The following GLS variants were observed in gnomAD, a reference collection of about 807,000 sequenced individuals.
GLS encodes the protein glutaminase kidney isoform, mitochondrial.
Under a neutral mutation model 86.7 loss-of-function variants are expected in GLS, and 36 were observed. That is an observed-to-expected ratio of 0.42 (90% CI 0.32 to 0.55). The LOEUF is 0.55. Ranked by LOEUF, GLS falls within the 20% of genes least tolerant of loss-of-function variation. The pLI, the probability that GLS is intolerant of heterozygous loss-of-function variation, is 0.17. For synonymous variants in GLS, 317 were observed against 305.9 expected, an observed-to-expected ratio of 1.04 and a Z score of -0.38; for missense variants, 528 against 833.4, an observed-to-expected ratio of 0.63 and a Z score of 4.51.
At chr2:190,936,843 TG>T (rs761662130) in intron 14 of GLS, among the ~76,000 whole-genome samples, 8 of 151,358 alleles carry the variant, frequency 5.3e-5, no homozygotes, top group Admixed American at 2.6e-4. Context: ...TTTAAGAATC[TG>T]TTTTACTATT....
intron 7 of GLS, among the ~76,000 whole-genome samples, chr2:190,919,239 T>C (rs543618397): frequency 6.6e-6 from 1 of 152,310 alleles, no homozygotes; most frequent in South Asian, 2.1e-4. Flanking sequence ...GTACCCAAAA[T>C]GTTATACTGT....
chr2:190,934,185 A>T, intron 14 of GLS: 2 of 980,480 alleles, frequency 2.0e-6, no homozygotes, highest in Non-Finnish European at 2.4e-6. Flanking sequence ...TCTTAGCATG[A>T]TGGTGTATGT....
chr2:190,883,768 T>G (rs1165203491), intron 1 of GLS, among the ~76,000 whole-genome samples: 3 of 152,216 alleles, frequency 2.0e-5, no homozygotes, highest in Non-Finnish European at 4.4e-5. Context: ...ATAAATAAGT[T>G]CAGAGTAAAT....
At chr2:190,893,207 A>G (rs1688621519) in intron 1 of GLS, among the ~76,000 whole-genome samples, 1 of 152,204 alleles carries the variant, frequency 6.6e-6, no homozygotes, top group South Asian at 2.1e-4. Flanking sequence ...TTAGGTCAGG[A>G]TAAGACCTAG....
intron 7 of GLS, among the ~76,000 whole-genome samples, chr2:190,917,644 A>G (rs1689582923): frequency 6.6e-6 from 1 of 152,190 alleles, no homozygotes; most frequent in Non-Finnish European, 1.5e-5. Context: ...GTAAGACTTG[A>G]AAGTTGAAGT....
rs1397564737 is a variant in GLS at position 190,930,198 on chromosome 2, CTG to C, written c.1426-236_1426-235del. Among the ~76,000 whole-genome samples the C allele has an allele frequency of 6.6e-6, 1 of 151,864 alleles. No homozygotes were observed. The highest frequency in any genetic ancestry group is 1.9e-4 in the East Asian group (1 of 5,168). On this transcript the variant is annotated intron_variant, in intron 12 of 17. Transcript: ENST00000320717. This position sits in a 1 kb window ranked among gnomAD's most constrained non-coding sequence, Gnocchi z 5.0. ...CCTCCCACATCATCCTCCAGAGTAGCTGTGACTACTGGTGTGCACTTCCATGT... is the reference window on the plus strand; with the variant it reads ...CCTCCCACATCATCCTCCAGAGTAGCTGACTACTGGTGTGCACTTCCATGT...
rs570917708 is a variant in GLS, at chr2:190,914,792, G to A, written c.1038+4471G>A. On this transcript the variant is annotated intron_variant, in intron 7 of 17. Coordinates refer to ENST00000320717, the MANE Select transcript of GLS (RefSeq NM_014905.5). This position sits in a 1 kb window ranked among gnomAD's most constrained non-coding sequence, Gnocchi z 4.4. The stretch of plus-strand genomic sequence containing the variant: ...AGCCATTTTATTATTAAATTTATTG[G>A]CAGATGTCCTTGTTAACAGTGTTTT... 1.3e-5 allele frequency among the ~76,000 whole-genome samples: 2 copies of A among 151,938 alleles called. No individual in the cohort carries two copies. Among genetic ancestry groups the A allele is most frequent in the East Asian group, 3.9e-4 (2 of 5,180 alleles).
rs906072441 is a variant in GLS, at chr2:190,947,957, A to G, written c.1651-5608A>G. ...AGACTGTCCCTAAATGAAATACTCC[A>G]TCTGTTGTCTCAAAAGTGTTAAACT... On this transcript the variant is annotated intron_variant, in intron 14 of 17. Transcript: ENST00000320717. The surrounding 1 kb of genome is among the most constrained non-coding windows in gnomAD (Gnocchi z 5.0). Among the ~76,000 whole-genome samples, 4 of 152,126 alleles carry G rather than the reference A, an allele frequency of 2.6e-5. No individual in the cohort carries two copies. Among genetic ancestry groups the G allele is most frequent in the African/African-American group, 9.7e-5 (4 of 41,440 alleles).
chr2:190,881,107 G>T lies in GLS; in HGVS notation c.23G>T (p.Gly8Val). 6.4e-7 allele frequency: 1 copy of T among 1,562,424 alleles called. No homozygotes were observed. Among genetic ancestry groups the T allele is most frequent in the East Asian group, 2.4e-5 (1 of 42,074 alleles). Residue 8 changes from glycine to valine, a missense_variant, in exon 1 of 18, where the codon GGG (glycine) becomes GTG (valine). Physicochemically the swap from Gly to Val is moderately radical, Grantham distance 109. Around this residue, in one of 4 missense-constraint regions of GLS, gnomAD observed 224 missense variants for 187.9 expected, o/e 1.19. Coordinates refer to ENST00000320717, the MANE Select transcript of GLS (RefSeq NM_014905.5). ...GGCATGATGCGGCTGCGAGGCTCGG[G>T]GATGCTGCGGGACCTGCTCCTGCGG... MMRLRGSGMLRDLLLRSP... is the reference protein window; with the variant it reads MMRLRGSVMLRDLLLRSP...
rs1231196730 is a variant in GLS at position 190,951,665 on chromosome 2, G to A, written c.1651-1900G>A. On this transcript the variant is annotated intron_variant, in intron 14 of 17. Coordinates refer to ENST00000320717, the MANE Select transcript of GLS (RefSeq NM_014905.5). This position sits in a 1 kb window ranked among gnomAD's most constrained non-coding sequence, Gnocchi z 4.2. ...TGTCTGTTTTTAGGGGTCTCCACTG[G>A]TATTAAAGGCCTGAAGAAAGTATGG... Among the ~76,000 whole-genome samples, 1 of 152,024 alleles carries A rather than the reference G, an allele frequency of 6.6e-6. No homozygotes were observed. Among genetic ancestry groups the A allele is most frequent in the East Asian group, 1.9e-4 (1 of 5,182 alleles).
rs1690609144 is a variant in GLS at position 190,947,596 on chromosome 2, C to T, written c.1651-5969C>T. 6.6e-6 allele frequency among the ~76,000 whole-genome samples: 1 copy of T among 152,120 alleles called. No homozygotes were observed. The highest frequency in any genetic ancestry group is 1.5e-5 in the Non-Finnish European group (1 of 68,028). On this transcript the variant is annotated intron_variant, in intron 14 of 17. Transcript: ENST00000320717. This position sits in a 1 kb window ranked among gnomAD's most constrained non-coding sequence, Gnocchi z 5.0. ...CTTAATTTAATAGCTATTATTGCGG[C>T]TGTGTATAGTCTGTTTCTTTATAGT...
At chr2:190,906,383 A>C (rs1001043190) in intron 6 of GLS, among the ~76,000 whole-genome samples, 2 of 152,218 alleles carry the variant, frequency 1.3e-5, no homozygotes, top group Non-Finnish European at 2.9e-5. Flanking sequence ...AGAGGATTTC[A>C]GAAACAAAAA....
At chr2:190,881,777 T>G (rs1688204671) in intron 1 of GLS, 3 of 269,356 alleles carry the variant, frequency 1.1e-5, no homozygotes, top group South Asian at 7.5e-5. Flanking sequence ...GCCGCTCCCC[T>G]GCCCGCGCTG....
At chr2:190,890,756 T>C (rs1291991625) in intron 1 of GLS, among the ~76,000 whole-genome samples, 1 of 152,214 alleles carries the variant, frequency 6.6e-6, no homozygotes, top group Non-Finnish European at 1.5e-5. Context: ...AATGAAGGCA[T>C]AAAGACTAGC....
chr2:190,953,234 A>G lies in GLS; in HGVS notation c.1651-331A>G, dbSNP rs147562120. On this transcript the variant is annotated intron_variant, in intron 14 of 17. Transcript: ENST00000320717. This position sits in a 1 kb window ranked among gnomAD's most constrained non-coding sequence, Gnocchi z 4.0. ...ACAGACTTCCTCACAATATTGAGACATAGAAAATGGGAAGGCTTCTAAACA... is the reference window on the plus strand; with the variant it reads ...ACAGACTTCCTCACAATATTGAGACGTAGAAAATGGGAAGGCTTCTAAACA... Among the ~76,000 whole-genome samples, 468 of 152,352 alleles carry G rather than the reference A, an allele frequency of 3.1e-3. 3 individuals carry two copies. The highest frequency in any genetic ancestry group is 7.4e-3 in the Admixed American group (113 of 15,304).
In GLS at chr2:190,963,076, G is replaced by A; in HGVS notation, c.*90G>A. On this transcript the variant is annotated 3_prime_UTR_variant, in exon 18 of 18. Coordinates refer to ENST00000320717, the MANE Select transcript of GLS (RefSeq NM_014905.5). Reference sequence around the variant, plus strand: ...ATGTGTATTTCTATCTGGTAGTGATGTATATTTTACATTTGTCATTTCAGT... The same window carrying A: ...ATGTGTATTTCTATCTGGTAGTGATATATATTTTACATTTGTCATTTCAGT... 2 of 910,520 alleles carry A rather than the reference G, an allele frequency of 2.2e-6. No individual in the cohort carries two copies. Among genetic ancestry groups the A allele is most frequent in the Non-Finnish European group, 3.3e-6 (2 of 609,886 alleles). The allele number at this position is 910,520 out of a possible 1,614,324, so 56.4% of individuals were successfully genotyped here.
chr2:190,895,809 G>A lies in GLS; in HGVS notation c.605+84G>A, dbSNP rs918006237. 1.4e-5 allele frequency: 14 copies of A among 993,828 alleles called. No individual in the cohort carries two copies. Among genetic ancestry groups the A allele is most frequent in the Admixed American group, 2.2e-5 (1 of 45,604 alleles). 61.6% of individuals were successfully genotyped at this position (993,828 alleles called of 1,614,324 possible). A position where few individuals can be genotyped will look rare whatever the true frequency, so the allele number is the denominator to read the frequency against. ...TTTAAAACAAAATTGCATCTTTGAA[G>A]GCCACTGCTTCCTGTGTAATGGAAA... On this transcript the variant is annotated intron_variant, in intron 3 of 17. Coordinates refer to ENST00000320717, the MANE Select transcript of GLS (RefSeq NM_014905.5). This position sits in a 1 kb window ranked among gnomAD's most constrained non-coding sequence, Gnocchi z 4.2.
chr2:190,882,873 G>A (rs892535398), intron 1 of GLS, among the ~76,000 whole-genome samples: 2 of 152,186 alleles, frequency 1.3e-5, no homozygotes, highest in African/African-American at 4.8e-5. Context: ...ATGTTTTAGG[G>A]ACTAGAATGA....
chr2:190,934,916 CTT>C (rs1690226328), intron 14 of GLS: 1 of 976,106 alleles, frequency 1.0e-6, no homozygotes, highest in Admixed American at 6.2e-5. Flanking sequence ...AAAGAAAAAA[CTT>C]TGCCAGTTTT....
Sources: gnomAD v4.1 joint callset for allele counts (sites outside exome capture counted in the v4.1 genomes callset) on GRCh38, gnomAD v4.1.1 for gene constraint, gnomAD v4.1.1 regional missense constraint, Gnocchi (gnomAD v3.1) non-coding constraint, MANE v1.5 for transcripts, NCBI Gene and HGNC (gene_info 2026-07-23, HGNC 2026-07-21) for gene names.